SASH1: variants seen among roughly 807,000 people sequenced by gnomAD.
SASH1 encodes SAM and SH3 domain containing 1.
Under a neutral mutation model 125.2 loss-of-function variants are expected in SASH1, and 44 were observed. The ratio of observed to expected loss-of-function variants is 0.35; its 90% CI spans 0.28 to 0.45. The LOEUF (loss-of-function observed/expected upper bound fraction) is 0.45, where lower values mean the gene tolerates loss of function less well. Ranked by LOEUF, SASH1 falls within the 20% of genes least tolerant of loss-of-function variation. The pLI, the probability that SASH1 is intolerant of heterozygous loss-of-function variation, is 1.00. For missense variants in SASH1, 1,426 were observed against 1,614.5 expected (o/e 0.88, Z 2.00); for synonymous variants, 639 against 649.1 (o/e 0.98, Z 0.24).
chr6:148,277,900 A>T (rs1416418364), intron 1 of SASH1, among the ~76,000 whole-genome samples: 2 of 151,976 alleles, frequency 1.3e-5, no homozygotes, highest in African/African-American at 4.8e-5. Flanking sequence ...TATTTTCAGT[A>T]GAGACGGGGT....
Position 148,543,939 on chromosome 6 carries a change from G to A in SASH1, c.2469G>A (p.Glu823=). 1 of 1,614,180 alleles carries A rather than the reference G, an allele frequency of 6.2e-7. No individual in the cohort carries two copies. Among genetic ancestry groups the A allele is most frequent in the African/African-American group, 1.3e-5 (1 of 75,028 alleles). The change falls in exon 18 of 20, where the codon GAG becomes GAA. Residue 823 remains glutamate, a synonymous_variant. Coordinates refer to ENST00000367467, the MANE Select transcript of SASH1 (RefSeq NM_015278.5). ...SLPVSICRSC[E]TLEGPQTVDT... Reference sequence around the variant, plus strand: ...CAGTTTCCATCTGCCGGAGCTGTGAGACCCTGGAGGGCCCCCAGACTGTGG... The same window carrying A: ...CAGTTTCCATCTGCCGGAGCTGTGAAACCCTGGAGGGCCCCCAGACTGTGG...
intron 2 of SASH1, among the ~76,000 whole-genome samples, chr6:148,391,847 C>T (rs1783740961): frequency 6.6e-6 from 1 of 152,194 alleles, no homozygotes; most frequent in Non-Finnish European, 1.5e-5. Context: ...ACCTCAGGAC[C>T]TCCTCAAGAA....
chr6:148,251,367 T>C, the SASH1 span, among the ~76,000 whole-genome samples: 3 of 152,148 alleles, frequency 2.0e-5, no homozygotes, highest in Non-Finnish European at 4.4e-5. Context: ...CCCTGAAAAA[T>C]ATCAAATATA....
Position 148,387,650 on chromosome 6 carries a change from T to G in SASH1, c.157-2484T>G, listed in dbSNP as rs1423409683. On this transcript the variant is annotated intron_variant, in intron 1 of 19. Coordinates refer to ENST00000367467, the MANE Select transcript of SASH1 (RefSeq NM_015278.5). ...TTTCTTTCTTTCTTTCTTTCTTTCTTTCTTTCTTTCTTTCTTTCTTTCTTT... is the reference window on the plus strand; with the variant it reads ...TTTCTTTCTTTCTTTCTTTCTTTCTGTCTTTCTTTCTTTCTTTCTTTCTTT... 4.5e-5 allele frequency among the ~76,000 whole-genome samples: 3 copies of G among 66,800 alleles called. No homozygotes were observed. The East Asian group carries it at 7.7e-4, about 17-fold the overall frequency. 43.8% of individuals were successfully genotyped at this position (66,800 alleles called of 152,430 possible).
intron 1 of SASH1, among the ~76,000 whole-genome samples, chr6:148,354,959 A>G (rs898333214): frequency 1.3e-5 from 2 of 152,054 alleles, no homozygotes; most frequent in South Asian, 4.2e-4. Context: ...GGGTTTCACC[A>G]TGTTGGCCAG....
chr6:148,524,108 TATA>T (rs1780980696), intron 10 of SASH1, among the ~76,000 whole-genome samples: 1 of 93,818 alleles, frequency 1.1e-5, no homozygotes, highest in Non-Finnish European at 2.2e-5. Context: ...TATATATATA[TATA>T]TATATATATA....
the SASH1 span, among the ~76,000 whole-genome samples, chr6:148,235,376 AT>A: frequency 6.6e-6 from 1 of 152,284 alleles, no homozygotes; most frequent in East Asian, 1.9e-4. Flanking sequence ...AATCAAAAAG[AT>A]ATTTTCTGTT....
chr6:148,353,265 A>AG (rs1490854879), intron 1 of SASH1, among the ~76,000 whole-genome samples: 1 of 151,144 alleles, frequency 6.6e-6, no homozygotes, highest in Non-Finnish European at 1.5e-5. Context: ...CTAGCATTGG[A>AG]GGGGTCTCTT....
intron 7 of SASH1, among the ~76,000 whole-genome samples, chr6:148,487,027 A>G (rs1373712240): frequency 3.7e-5 from 4 of 107,948 alleles, no homozygotes; most frequent in Non-Finnish European, 8.0e-5. Context: ...TTATATATAT[A>G]TTTGTTATAT....
chr6:148,477,379 ATAATC>A (rs772397050), intron 7 of SASH1, among the ~76,000 whole-genome samples: 9 of 152,262 alleles, frequency 5.9e-5, no homozygotes, highest in Non-Finnish European at 1.0e-4. Context: ...AAAAAATCCA[ATAATC>A]TAATTTAAAA....
intron 12 of SASH1, among the ~76,000 whole-genome samples, chr6:148,527,953 A>T: frequency 7.4e-6 from 1 of 135,748 alleles, no homozygotes; most frequent in East Asian, 2.5e-4. Context: ...TACAAAATGG[A>T]TGTTACCTGA....
chr6:148,221,159 G>A, the SASH1 span, among the ~76,000 whole-genome samples: 1 of 152,118 alleles, frequency 6.6e-6, no homozygotes, highest in Non-Finnish European at 1.5e-5. Flanking sequence ...ATTTGAAAGA[G>A]ATCAATAAAT....
chr6:148,214,019 A>G, the SASH1 span, among the ~76,000 whole-genome samples: 3 of 152,242 alleles, frequency 2.0e-5, no homozygotes, highest in Non-Finnish European at 2.9e-5. Context: ...TGTGTTCGCC[A>G]TTAGCCAACA....
chr6:148,394,909 GC>G (rs1783887677), intron 2 of SASH1, among the ~76,000 whole-genome samples: 1 of 152,202 alleles, frequency 6.6e-6, no homozygotes, highest in South Asian at 2.1e-4. Context: ...CTCCCAAAGA[GC>G]TGGGATTATA....
chr6:148,272,222 T>G (rs1168896231), upstream of SASH1: 1 of 382,216 alleles, frequency 2.6e-6, no homozygotes, highest in Non-Finnish European at 5.8e-6. Flanking sequence ...CCTAGGGCTG[T>G]GAGAGTGTCC....
At chr6:148,376,997 C>A (rs528156951) in intron 1 of SASH1, among the ~76,000 whole-genome samples, 1 of 150,780 alleles carries the variant, frequency 6.6e-6, no homozygotes, top group Admixed American at 6.6e-5. Context: ...GGTGAAACCC[C>A]GTCTCTACTA....
At chr6:148,342,266 G>A (rs1190960756), upstream of SASH1, among the ~76,000 whole-genome samples, 4 of 152,214 alleles carry the variant, frequency 2.6e-5, no homozygotes, top group Admixed American at 2.6e-4. Context: ...GGCTGGCAGA[G>A]GCAGGATTTG....
intron 2 of SASH1, among the ~76,000 whole-genome samples, chr6:148,399,529 C>T (rs1784093231): frequency 6.6e-6 from 1 of 152,030 alleles, no homozygotes; most frequent in Non-Finnish European, 1.5e-5. Context: ...TTCTCTTGCT[C>T]CTGAACATTT....
chr6:148,528,401 T>C (rs888591466), intron 12 of SASH1, among the ~76,000 whole-genome samples: 13 of 152,174 alleles, frequency 8.5e-5, no homozygotes, highest in Admixed American at 6.5e-4. Context: ...GTAATGCACT[T>C]TATCTACCAA....
Sources: allele counts gnomAD v4.1 joint callset (sites outside exome capture counted in the v4.1 genomes callset), GRCh38; gene constraint gnomAD v4.1.1; transcripts MANE v1.5; gene names NCBI Gene and HGNC (gene_info 2026-07-23, HGNC 2026-07-21).